Variants in FILIP1 observed in about 807,000 individuals in gnomAD.
FILIP1 encodes filamin A interacting protein 1, also known as filamin-A-interacting protein 1.
A neutral mutation model predicts 102.1 loss-of-function variants in FILIP1; 61 were observed. The observed-to-expected ratio is 0.60, with a 90% CI of 0.49 to 0.74. FILIP1 has a LOEUF of 0.74. FILIP1 is among the 30% of genes least tolerant of loss of function. The probability of loss-of-function intolerance (pLI) is 0.00; values close to 1 mark genes in which losing one functional copy is unlikely to be tolerated. For missense variants in FILIP1, 1,314 were observed against 1,441.2 expected (o/e 0.91, Z 1.43); for synonymous variants, 491 against 526.9 (o/e 0.93, Z 0.93).
chr6:75,435,896 T>A (rs1419041700), intron 1 of FILIP1, among the ~76,000 whole-genome samples: 3 of 152,158 alleles, frequency 2.0e-5, no homozygotes, highest in African/African-American at 7.2e-5. Flanking sequence ...TTGAGGGCTT[T>A]AATTACTCAG....
chr6:75,453,514 T>A lies in FILIP1; in HGVS notation c.-6-38536A>T, dbSNP rs184586097. On this transcript the variant is annotated intron_variant, in intron 1 of 5. Coordinates refer to ENST00000237172, the MANE Select transcript of FILIP1 (RefSeq NM_015687.5). ...AGAGATTACATAGGTGAAAATTTTT[T>A]AAGAGAGGGAGAAAGGCTGGGAATG... 1.4e-3 allele frequency among the ~76,000 whole-genome samples: 213 copies of A among 152,256 alleles called. 1 individual carries two copies. The highest frequency in any genetic ancestry group is 3.4e-3 in the Middle Eastern group (1 of 292).
At chr6:75,386,987 C>T (rs1465313247) in intron 2 of FILIP1, among the ~76,000 whole-genome samples, 14 of 151,396 alleles carry the variant, frequency 9.2e-5, no homozygotes, top group Admixed American at 9.2e-4. Flanking sequence ...ATGCTATCCT[C>T]CCTTTGCTAT....
intron 1 of FILIP1, among the ~76,000 whole-genome samples, chr6:75,453,435 T>G (rs2808181): frequency 0.44 from 67,056 of 152,070 alleles, 15,207 homozygotes; most frequent in Non-Finnish European, 0.48. Context: ...ATATAGTCAT[T>G]CAGTAAATAT....
intron 1 of FILIP1, among the ~76,000 whole-genome samples, chr6:75,474,754 T>C (rs1779425563): frequency 6.6e-6 from 1 of 152,180 alleles, no homozygotes. Flanking sequence ...GAATCTCATA[T>C]TAAATTGTAA....
intron 2 of FILIP1, among the ~76,000 whole-genome samples, chr6:75,378,220 C>CAT (rs10629071): frequency 0.74 from 112,016 of 151,910 alleles, 41,802 homozygotes; most frequent in African/African-American, 0.86. Flanking sequence ...ACCTGACACA[C>CAT]GTTTTCTCCT....
intron 2 of FILIP1, among the ~76,000 whole-genome samples, chr6:75,378,749 A>G (rs1323467589): frequency 6.6e-6 from 1 of 152,170 alleles, no homozygotes; most frequent in Non-Finnish European, 1.5e-5. Flanking sequence ...CATGGAACAC[A>G]AACACCCTCT....
At chr6:75,305,845 G>C (rs2842459), downstream of FILIP1, among the ~76,000 whole-genome samples, 2 of 147,904 alleles carry the variant, frequency 1.4e-5, no homozygotes, top group Non-Finnish European at 3.0e-5. Flanking sequence ...GTCACCCACC[G>C]TCCCAAGATT....
chr6:75,305,442 A>C (rs1340578383), downstream of FILIP1, among the ~76,000 whole-genome samples: 1 of 152,236 alleles, frequency 6.6e-6, no homozygotes, highest in Non-Finnish European at 1.5e-5. Flanking sequence ...TCTTGAAGAC[A>C]TTCGAGTAAG....
At chr6:75,300,792 A>G (rs1391409955) in intron 6 of FILIP1, among the ~76,000 whole-genome samples, 1 of 152,154 alleles carries the variant, frequency 6.6e-6, no homozygotes, top group Non-Finnish European at 1.5e-5. Context: ...GTTCTCAACC[A>G]CCTAATAATT....
At chr6:75,405,258 T>C (rs889184233) in intron 2 of FILIP1, among the ~76,000 whole-genome samples, 1 of 152,126 alleles carries the variant, frequency 6.6e-6, no homozygotes, top group Admixed American at 6.6e-5. Flanking sequence ...AGCTTCAAAG[T>C]AGAGAAAAGC....
downstream of FILIP1, among the ~76,000 whole-genome samples, chr6:75,306,389 G>C (rs1772987021): frequency 6.6e-6 from 1 of 152,196 alleles, no homozygotes; most frequent in Non-Finnish European, 1.5e-5. Flanking sequence ...GCGGCAATAA[G>C]ATTATGATAA....
At chr6:75,416,492 T>C (rs1777273663) in intron 1 of FILIP1, among the ~76,000 whole-genome samples, 1 of 151,970 alleles carries the variant, frequency 6.6e-6, no homozygotes, top group African/African-American at 2.4e-5. Context: ...AATAGAAGTT[T>C]CTTTGTAATG....
chr6:75,389,433 T>A (rs1212120993), intron 2 of FILIP1, among the ~76,000 whole-genome samples: 1 of 152,198 alleles, frequency 6.6e-6, no homozygotes, highest in Non-Finnish European at 1.5e-5. Flanking sequence ...ATTGGAATGG[T>A]TTCAGAAGGA....
intron 2 of FILIP1, among the ~76,000 whole-genome samples, chr6:75,370,572 T>C (rs1384235659): frequency 7.0e-6 from 1 of 142,748 alleles, no homozygotes; most frequent in Non-Finnish European, 1.5e-5. Flanking sequence ...GTCTCTTCTT[T>C]TTTTTTTTTT....
chr6:75,399,181 AG>A (rs1304040400), intron 2 of FILIP1: 2 of 152,248 alleles, frequency 1.3e-5, no homozygotes, highest in African/African-American at 4.8e-5. Flanking sequence ...ACTCCCACTA[AG>A]AAGCATGAAA....
intron 2 of FILIP1, among the ~76,000 whole-genome samples, chr6:75,404,529 C>G (rs1776769136): frequency 6.6e-6 from 1 of 152,176 alleles, no homozygotes; most frequent in South Asian, 2.1e-4. Flanking sequence ...AATGCATGGT[C>G]TCTCCCTGCT....
intron 1 of FILIP1, among the ~76,000 whole-genome samples, chr6:75,436,242 T>C (rs1287125544): frequency 6.6e-6 from 1 of 151,912 alleles, no homozygotes; most frequent in East Asian, 1.9e-4. Context: ...GCTAGCGGCA[T>C]GTGCCTGTAA....
intron 2 of FILIP1, among the ~76,000 whole-genome samples, chr6:75,378,410 C>T (rs1775809031): frequency 6.6e-6 from 1 of 152,188 alleles, no homozygotes; most frequent in South Asian, 2.1e-4. Flanking sequence ...AGACAAAAGC[C>T]TGTTCAGCCT....
At chr6:75,319,928 A>G (rs910801333) in intron 4 of FILIP1, 4 of 457,412 alleles carry the variant, frequency 8.7e-6, no homozygotes, top group African/African-American at 6.2e-5. Flanking sequence ...TTGCACAAAG[A>G]ATGCATATCA....
Sources: gnomAD v4.1 joint callset for allele counts (sites outside exome capture counted in the v4.1 genomes callset) on GRCh38, gnomAD v4.1.1 for gene constraint, MANE v1.5 for transcripts, NCBI Gene and HGNC (gene_info 2026-07-23, HGNC 2026-07-21) for gene names.